ITGB3: variants seen among roughly 807,000 people sequenced by gnomAD.
The protein encoded by ITGB3 is integrin subunit beta 3.
In ITGB3, 48 loss-of-function variants were observed where a neutral mutation model predicts 85.8. That is an observed-to-expected ratio of 0.56 (90% CI 0.44 to 0.71). ITGB3 has a LOEUF of 0.71. Among genes scored for constraint, ITGB3 ranks in the 30% least tolerant of loss-of-function variants. The pLI is 0.00. For synonymous variants in ITGB3, 363 were observed against 395.6 expected (o/e 0.92, Z 0.98); for missense variants, 861 against 1,019.1 (o/e 0.84, Z 2.11).
chr17:47,292,677 G>C (rs2065132038), intron 10 of ITGB3, 109 bp downstream of exon 10: 1 of 1,110,816 alleles, frequency 9.0e-7, no homozygotes, highest in Non-Finnish European at 1.3e-6. Context: ...AGGCAGAGGT[G>C]TAAGTCAGTG....
chr17:47,280,001 G>A (rs765791796), intron 2 of ITGB3: 1 of 152,252 alleles, frequency 6.6e-6, no homozygotes, highest in Non-Finnish European at 1.5e-5. Flanking sequence ...AGGTCATTCC[G>A]TCCTCAGCCA....
chr17:47,306,367 C>G (rs1457829239), intron 13 of ITGB3, among the ~76,000 whole-genome samples: 2 of 152,210 alleles, frequency 1.3e-5, no homozygotes, highest in African/African-American at 4.8e-5. Context: ...CTTGACCTCC[C>G]AGGCTCAAAC....
At chr17:47,271,399 G>A (rs949698089) in intron 1 of ITGB3, among the ~76,000 whole-genome samples, 1 of 152,184 alleles carries the variant, frequency 6.6e-6, no homozygotes, top group Non-Finnish European at 1.5e-5. Flanking sequence ...TTCAACTTTA[G>A]TAATTAAAGA....
intron 1 of ITGB3, among the ~76,000 whole-genome samples, chr17:47,266,248 T>C (rs1020822433): frequency 6.6e-6 from 1 of 152,172 alleles, no homozygotes; most frequent in Non-Finnish European, 1.5e-5. Context: ...TAGATGTCCA[T>C]AGTGTTAGTG....
intron 9 of ITGB3, chr17:47,291,427 G>A (rs2065125204): frequency 5.7e-6 from 3 of 522,596 alleles, no homozygotes; most frequent in South Asian, 3.0e-5. Flanking sequence ...GCCTTTCCAA[G>A]GTAATTAATA....
At chr17:47,262,913 C>T (rs1029430625) in intron 1 of ITGB3, among the ~76,000 whole-genome samples, 3 of 152,092 alleles carry the variant, frequency 2.0e-5, no homozygotes, top group African/African-American at 7.2e-5. Flanking sequence ...CCTAACAACT[C>T]GGGAGCACTG....
At chr17:47,254,387 C>G (rs777933521) in intron 1 of ITGB3, among the ~76,000 whole-genome samples, 11 of 152,140 alleles carry the variant, frequency 7.2e-5, no homozygotes, top group Non-Finnish European at 1.5e-4. Flanking sequence ...TGGGTGAGAG[C>G]GTGCGCGCGC....
Position 47,283,399 on chromosome 17 carries a change from C to G in ITGB3, c.211C>G (p.Leu71Val), listed in dbSNP as rs1207911890. 1 of 1,614,232 alleles carries G rather than the reference C, an allele frequency of 6.2e-7. No homozygotes were observed. ...TCGCTGTGACCTGAAGGAGAATCTG[C>G]TGAAGGATAACTGTGCCCCAGAATC... ...SPRCDLKENL[L>V]KDNCAPESIE... The change falls in exon 3 of 15, where the codon CTG becomes GTG. Residue 71 changes from leucine (L) to valine (V), a missense_variant. Transcript: ENST00000559488.
intron 1 of ITGB3, among the ~76,000 whole-genome samples, chr17:47,256,506 C>T (rs1771829555): frequency 6.6e-6 from 1 of 150,494 alleles, no homozygotes; most frequent in Non-Finnish European, 1.5e-5. Flanking sequence ...TCAGTTTCTA[C>T]TATATTTATA....
rs2065218580 is a variant in ITGB3 at position 47,312,351 on chromosome 17, C to T, written c.*2147C>T. On this transcript the variant is annotated 3_prime_UTR_variant, in exon 15 of 15. Coordinates refer to ENST00000559488, the MANE Select transcript of ITGB3 (RefSeq NM_000212.3). ...GGGGCAATGACTGAGCCCTGTCTCA[C>T]CCATGGATTACTCCTTACTGTAGGG... 6.6e-6 allele frequency among the ~76,000 whole-genome samples: 1 copy of T among 152,160 alleles called. No individual in the cohort carries two copies. The highest frequency in any genetic ancestry group is 2.1e-4 in the South Asian group (1 of 4,830).
At chr17:47,297,917 AAGAACTTGGCAC>A (rs2065151768) in intron 10 of ITGB3, among the ~76,000 whole-genome samples, 2 of 151,996 alleles carry the variant, frequency 1.3e-5, no homozygotes, top group South Asian at 4.2e-4. Flanking sequence ...TAAAAAGAAA[AAGAACTTGGCAC>A]AGTACTTGAC....
chr17:47,276,079 G>T (rs576803186), intron 2 of ITGB3, among the ~76,000 whole-genome samples: 7 of 152,300 alleles, frequency 4.6e-5, no homozygotes, highest in African/African-American at 1.7e-4. Flanking sequence ...TTGGGTAGCC[G>T]AAAGCCTTCA....
At chr17:47,262,404 C>T (rs2065011625) in intron 1 of ITGB3, among the ~76,000 whole-genome samples, 1 of 152,184 alleles carries the variant, frequency 6.6e-6, no homozygotes, top group Admixed American at 6.5e-5. Flanking sequence ...TTCCAGAACT[C>T]TTGAGATGCA....
intron 10 of ITGB3, among the ~76,000 whole-genome samples, chr17:47,295,514 T>G (rs2143120934): frequency 6.6e-6 from 1 of 152,294 alleles, no homozygotes; most frequent in African/African-American, 2.4e-5. Context: ...ATTACCACAC[T>G]GTGGCTACCT....
rs761474988 is a variant in ITGB3, at chr17:47,286,449, G to A, written c.777+27G>A. 8.1e-6 allele frequency: 13 copies of A among 1,613,634 alleles called. No individual in the cohort carries two copies. The South Asian group carries it at 1.4e-4, about 18-fold the overall frequency. The stretch of plus-strand genomic sequence containing the variant: ...TGAGTTTGGAGGACTTGGAGTGCCA[G>A]GTGTGGCTGGCATAGATCAAAATGG... On this transcript the variant is annotated intron_variant, in intron 5 of 14. Transcript: ENST00000559488.
chr17:47,299,553 G>T lies in ITGB3; in HGVS notation c.1913+23G>T, dbSNP rs2065158435. The T allele has an allele frequency of 6.2e-7, 1 of 1,607,760 alleles. No homozygotes were observed. Among genetic ancestry groups the T allele is most frequent in the East Asian group, 2.2e-5 (1 of 44,816 alleles). On this transcript the variant is annotated intron_variant, in intron 11 of 14. Transcript: ENST00000559488. This position sits in a 1 kb window ranked among gnomAD's most constrained non-coding sequence, Gnocchi z 5.1. ...GAAGTGAGTGTGGAGTCTGGAGAGA[G>T]CCGGGAGGCTGGGAGGTAGGAGAGG...
intron 9 of ITGB3, chr17:47,291,417 GC>G (rs2065125149): frequency 1.9e-6 from 1 of 538,746 alleles, no homozygotes; most frequent in Non-Finnish European, 3.2e-6. Flanking sequence ...CCAGTCGCCA[GC>G]CTTTCCAAGG....
In ITGB3 at chr17:47,278,579, A is replaced by C. The variant is rs140815257; in HGVS notation, c.165+4075A>C. On this transcript the variant is annotated intron_variant, in intron 2 of 14. Coordinates refer to ENST00000559488, the MANE Select transcript of ITGB3 (RefSeq NM_000212.3). ...GCCTGGGCAACAAGAGCGAAACTCC[A>C]TCTAAAAAAAAAAAAAGAGTCACTT... is the stretch of plus-strand genomic sequence containing the variant. Among the ~76,000 whole-genome samples the C allele has an allele frequency of 2.2e-5, 3 of 138,348 alleles. No individual in the cohort carries two copies. In the East Asian group the frequency reaches 6.7e-4, roughly 31 times the overall value. 90.8% of individuals were successfully genotyped at this position (138,348 alleles called of 152,430 possible).
At position 47,299,598 on chromosome 17, in the gene ITGB3, C is replaced by G. The variant is rs981286159; in HGVS notation, c.1913+68C>G. 2 of 1,391,272 alleles carry G rather than the reference C, an allele frequency of 1.4e-6. No homozygotes were observed. The highest frequency in any genetic ancestry group is 1.2e-5 in the South Asian group (1 of 83,620). 86.2% of individuals were successfully genotyped at this position (1,391,272 alleles called of 1,614,324 possible). On this transcript the variant is annotated intron_variant, in intron 11 of 14. Transcript: ENST00000559488. This position sits in a 1 kb window ranked among gnomAD's most constrained non-coding sequence, Gnocchi z 5.1. Reference sequence around the variant, plus strand: ...GAGAGGATCCCCTGACTAGAATCCCCAGCTCTCCAGGTGTGTTTCTTGCTC... The same window carrying G: ...GAGAGGATCCCCTGACTAGAATCCCGAGCTCTCCAGGTGTGTTTCTTGCTC...
Sources: allele counts gnomAD v4.1 joint callset (sites outside exome capture counted in the v4.1 genomes callset), GRCh38; gene constraint gnomAD v4.1.1; non-coding constraint Gnocchi (gnomAD v3.1); transcripts MANE v1.5; gene names NCBI Gene and HGNC (gene_info 2026-07-23, HGNC 2026-07-21).